Variants in CDKAL1 observed in about 807,000 individuals in gnomAD.
CDKAL1 encodes the protein CDKAL1 threonylcarbamoyladenosine tRNA methylthiotransferase.
Under a neutral mutation model 68.2 loss-of-function variants are expected in CDKAL1, and 32 were observed. The ratio of observed to expected loss-of-function variants is 0.47; its 90% CI spans 0.35 to 0.63. The LOEUF (loss-of-function observed/expected upper bound fraction) is 0.63. CDKAL1 is among the 30% of genes least tolerant of loss of function. The pLI, the probability that CDKAL1 is intolerant of heterozygous loss-of-function variation, is 0.00. For missense variants in CDKAL1, 606 were observed against 696.7 expected (o/e 0.87, Z 1.47); for synonymous variants, 234 against 244.3 (o/e 0.96, Z 0.39).
At chr6:21,106,070 T>TA (rs1773828638) in intron 12 of CDKAL1, among the ~76,000 whole-genome samples, 1 of 152,206 alleles carries the variant, frequency 6.6e-6, no homozygotes, top group African/African-American at 2.4e-5. Context: ...TGACTTTACC[T>TA]GTTAAGGTAA....
intron 11 of CDKAL1, among the ~76,000 whole-genome samples, chr6:21,027,521 A>G (rs1769027323): frequency 6.6e-6 from 1 of 152,168 alleles, no homozygotes; most frequent in African/African-American, 2.4e-5. Context: ...TTTTGATGAC[A>G]TGAAGAGAGA....
At chr6:21,182,086 T>C (rs1344438202) in intron 13 of CDKAL1, among the ~76,000 whole-genome samples, 2 of 152,192 alleles carry the variant, frequency 1.3e-5, no homozygotes, top group African/African-American at 4.8e-5. Context: ...TCTCTGTGCT[T>C]CTGTAAGTTG....
chr6:21,192,159 C>G (rs1269592636), intron 13 of CDKAL1, among the ~76,000 whole-genome samples: 1 of 148,144 alleles, frequency 6.8e-6, no homozygotes, highest in South Asian at 2.2e-4. Context: ...GTAGCTGGGA[C>G]TACAGGCGCC....
chr6:20,663,389 T>A (rs961085045), intron 5 of CDKAL1, among the ~76,000 whole-genome samples: 3 of 152,156 alleles, frequency 2.0e-5, no homozygotes, highest in Admixed American at 2.0e-4. Context: ...TATCTTTCTA[T>A]CATTTATCAG....
intron 13 of CDKAL1, among the ~76,000 whole-genome samples, chr6:21,160,629 G>T (rs1776874106): frequency 7.7e-6 from 1 of 129,486 alleles, no homozygotes; most frequent in Admixed American, 8.3e-5. Flanking sequence ...TGTAATTTTT[G>T]GACACAGACA....
chr6:20,813,663 A>G lies in CDKAL1; in HGVS notation c.638+32398A>G, dbSNP rs572191790. Among the ~76,000 whole-genome samples the G allele has an allele frequency of 2.0e-5, 3 of 152,276 alleles. No individual in the cohort carries two copies. The South Asian group carries it at 6.2e-4, about 32-fold the overall frequency. On this transcript the variant is annotated intron_variant, in intron 8 of 15. Transcript: ENST00000274695. ...AGAGTTGAGGTGCTTTCTTTTAAATATGGATATGGAATTGTTCCAGCACCA... is the reference window on the plus strand; with the variant it reads ...AGAGTTGAGGTGCTTTCTTTTAAATGTGGATATGGAATTGTTCCAGCACCA...
At chr6:21,115,048 G>A (rs867225745) in intron 13 of CDKAL1, among the ~76,000 whole-genome samples, 1 of 152,090 alleles carries the variant, frequency 6.6e-6, no homozygotes, top group Non-Finnish European at 1.5e-5. Context: ...AAAGCCTTGG[G>A]TTATACCACC....
chr6:21,114,548 C>T (rs1774304284), intron 13 of CDKAL1, among the ~76,000 whole-genome samples: 1 of 151,824 alleles, frequency 6.6e-6, no homozygotes, highest in South Asian at 2.1e-4. Context: ...GCCTGGACAA[C>T]GTAAGGAGAC....
chr6:20,901,214 C>T (rs1487688772), intron 9 of CDKAL1, among the ~76,000 whole-genome samples: 3 of 152,054 alleles, frequency 2.0e-5, no homozygotes, highest in South Asian at 2.1e-4. Flanking sequence ...AGTATTTCTG[C>T]GACTGTTGCC....
At chr6:20,785,165 A>G (rs1249639969) in intron 8 of CDKAL1, among the ~76,000 whole-genome samples, 1 of 152,198 alleles carries the variant, frequency 6.6e-6, no homozygotes, top group East Asian at 1.9e-4. Flanking sequence ...ATATTGTCCC[A>G]GAATGAGAAA....
intron 9 of CDKAL1, among the ~76,000 whole-genome samples, chr6:20,849,153 C>G (rs115150099): frequency 0.013 from 2,049 of 152,218 alleles, 31 homozygotes; most frequent in African/African-American, 0.047. Context: ...AAATACTGCT[C>G]TGTTGCTTAC....
intron 4 of CDKAL1, among the ~76,000 whole-genome samples, chr6:20,556,732 A>G (rs567319103): frequency 1.3e-5 from 2 of 152,036 alleles, no homozygotes; most frequent in East Asian, 3.9e-4. Context: ...CCTTACAGAA[A>G]TTATTTAAAA....
intron 13 of CDKAL1, among the ~76,000 whole-genome samples, chr6:21,191,907 G>A (rs1174476987): frequency 1.4e-4 from 21 of 146,470 alleles, no homozygotes; most frequent in Admixed American, 1.2e-3. Context: ...TTGTAGAGAC[G>A]TTTCCTGCGC....
chr6:21,162,350 G>C (rs531999642), intron 13 of CDKAL1, among the ~76,000 whole-genome samples: 11 of 152,262 alleles, frequency 7.2e-5, no homozygotes, highest in African/African-American at 2.6e-4. Context: ...TTGGGGTCAT[G>C]GAAATGTTCC....
At chr6:21,108,559 A>G (rs1475986451) in intron 13 of CDKAL1, 96 bp downstream of exon 13, 2 of 710,896 alleles carry the variant, frequency 2.8e-6, no homozygotes, top group Non-Finnish European at 4.6e-6. Context: ...AAATACACTT[A>G]CCAATTACAT....
intron 9 of CDKAL1, among the ~76,000 whole-genome samples, chr6:20,914,469 G>A (rs1762630772): frequency 6.6e-6 from 1 of 151,624 alleles, no homozygotes; most frequent in South Asian, 2.1e-4. Flanking sequence ...ACTTTATTGT[G>A]TTTATCATTT....
At chr6:20,770,402 C>A (rs950009666) in intron 7 of CDKAL1, among the ~76,000 whole-genome samples, 1 of 152,094 alleles carries the variant, frequency 6.6e-6, no homozygotes, top group African/African-American at 2.4e-5. Flanking sequence ...TTTTTACTGT[C>A]AAATGGTTAG....
chr6:20,724,911 A>C (rs1772573274), intron 5 of CDKAL1, among the ~76,000 whole-genome samples: 1 of 152,084 alleles, frequency 6.6e-6, no homozygotes, highest in African/African-American at 2.4e-5. Flanking sequence ...TAGGAACCAG[A>C]ATGTAAATTT....
intron 9 of CDKAL1, among the ~76,000 whole-genome samples, chr6:20,930,030 C>G (rs1302328906): frequency 6.6e-6 from 1 of 151,996 alleles, no homozygotes; most frequent in African/African-American, 2.4e-5. Flanking sequence ...TCAAGTTTAT[C>G]TGGATTTTCT....
Sources: gnomAD v4.1 joint callset for allele counts (sites outside exome capture counted in the v4.1 genomes callset) on GRCh38, gnomAD v4.1.1 for gene constraint, MANE v1.5 for transcripts, NCBI Gene and HGNC (gene_info 2026-07-23, HGNC 2026-07-21) for gene names.